The following TRANK1 variants were observed in gnomAD, a reference collection of about 807,000 sequenced individuals.
TRANK1 encodes the protein tetratricopeptide repeat and ankyrin repeat containing 1, also known as TPR and ankyrin repeat-containing protein 1.
TRANK1 carries 198 observed loss-of-function variants against 266.0 expected under a neutral mutation model. That is an observed-to-expected ratio of 0.74 (90% CI 0.66 to 0.84). TRANK1 has a LOEUF of 0.84. Among genes scored for constraint, TRANK1 ranks in the 40% least tolerant of loss-of-function variants. TRANK1 has a pLI of 0.00. For synonymous variants in TRANK1, 1,396 were observed against 1,384.1 expected (o/e 1.01, Z -0.19); for missense variants, 3,326 against 3,634.6 (o/e 0.92, Z 2.18).
At chr3:36,929,996 T>C (rs1218649801) in intron 1 of TRANK1, among the ~76,000 whole-genome samples, 1 of 152,116 alleles carries the variant, frequency 6.6e-6, no homozygotes, top group Non-Finnish European at 1.5e-5. Context: ...AACCTCAGCC[T>C]CCCAAGTAGC....
chr3:36,899,388 C>T (rs1046421474), intron 3 of TRANK1, 129 bp from the exon 4 acceptor site: 3 of 1,007,520 alleles, frequency 3.0e-6, no homozygotes, highest in African/African-American at 1.6e-5. Flanking sequence ...GGCACAGTGG[C>T]TCATGCCTGT....
At chr3:36,885,050 C>A (rs1030169955) in intron 8 of TRANK1, among the ~76,000 whole-genome samples, 1 of 151,682 alleles carries the variant, frequency 6.6e-6, no homozygotes, top group African/African-American at 2.4e-5. Context: ...CAATAGATAC[C>A]AAAATTGGTG....
intron 17 of TRANK1, among the ~76,000 whole-genome samples, chr3:36,845,911 C>T (rs2078907703): frequency 6.6e-6 from 1 of 152,132 alleles, no homozygotes; most frequent in Admixed American, 6.5e-5. Context: ...AAAGTATGTA[C>T]CATCTTTATT....
intron 13 of TRANK1, among the ~76,000 whole-genome samples, chr3:36,854,681 G>A (rs2079027885): frequency 6.6e-6 from 1 of 152,088 alleles, no homozygotes; most frequent in African/African-American, 2.4e-5. Context: ...GTTTAGCATT[G>A]TGCCTGGCAC....
rs189753182 is a variant in TRANK1 at position 36,937,021 on chromosome 3, C to G, written c.23+7766G>C. Among the ~76,000 whole-genome samples, 93 of 151,950 alleles carry G rather than the reference C, an allele frequency of 6.1e-4. 2 individuals are homozygous for G. The highest frequency in any genetic ancestry group is 5.2e-4 in the Admixed American group (8 of 15,256). On this transcript the variant is annotated intron_variant, in intron 1 of 23. Coordinates refer to ENST00000645898, the MANE Select transcript of TRANK1 (RefSeq NM_001329998.2). ...AGGCTGAGGGAGAATTGCTTGAGCCCGGGAGGCGGAGGTTGCAGTGAGCCG... is the reference window on the plus strand; with the variant it reads ...AGGCTGAGGGAGAATTGCTTGAGCCGGGGAGGCGGAGGTTGCAGTGAGCCG...
chr3:36,842,076 G>A (rs550741365), intron 18 of TRANK1, among the ~76,000 whole-genome samples: 21 of 152,302 alleles, frequency 1.4e-4, no homozygotes, highest in African/African-American at 4.8e-4. Flanking sequence ...GTTTCAAAAT[G>A]TAAAGAGGTC....
chr3:36,879,820 A>G lies in TRANK1; in HGVS notation c.908-5524T>C, dbSNP rs1344555737. ...TAAATATACAAATATATGTAAATAT[A>G]CAAATATATGTAAATATACAAATAT... On this transcript the variant is annotated intron_variant, in intron 8 of 23. Coordinates refer to ENST00000645898, the MANE Select transcript of TRANK1 (RefSeq NM_001329998.2). Among the ~76,000 whole-genome samples the G allele has an allele frequency of 1.0e-4, 12 of 115,238 alleles. 3 individuals carry two copies. Among genetic ancestry groups the G allele is most frequent in the South Asian group, 2.5e-4 (1 of 3,950 alleles). The allele number at this position is 115,238 out of a possible 152,430, so 75.6% of individuals were successfully genotyped here.
At position 36,832,068 on chromosome 3, in the gene TRANK1, G is replaced by C. The variant is rs766427912; in HGVS notation, c.7515C>G (p.Ser2505=). 6.2e-7 allele frequency: 1 copy of C among 1,613,990 alleles called. No individual in the cohort carries two copies. Among genetic ancestry groups the C allele is most frequent in the Non-Finnish European group, 8.5e-7 (1 of 1,179,898 alleles). The change falls in exon 22 of 24, where the codon TCC becomes TCG. Residue 2505 remains serine, a synonymous_variant. Coordinates refer to ENST00000645898, the MANE Select transcript of TRANK1 (RefSeq NM_001329998.2). ...KKDKELGDVF[S]IIQEYKPKDV... ...CCTTGGGTTTGTATTCCTGAATGAT[G>C]GAGAACACATCCCCAAGCTCCTTGT... is the stretch of plus-strand genomic sequence containing the variant.
rs375164184 is a variant in TRANK1 at position 36,843,451 on chromosome 3, T to C, written c.5192-741A>G. Among the ~76,000 whole-genome samples the C allele has an allele frequency of 4.7e-4, 71 of 152,270 alleles. 1 individual carries two copies. Among genetic ancestry groups the C allele is most frequent in the African/African-American group, 1.6e-3 (68 of 41,546 alleles). ...TTACACTATTTCCAAATGTGCAAAC[T>C]TTGCCCTCATCACAATAAGTAATCT... On this transcript the variant is annotated intron_variant, in intron 17 of 23. Transcript: ENST00000645898.
chr3:36,885,634 A>C (rs2079592043), intron 8 of TRANK1, among the ~76,000 whole-genome samples: 1 of 152,248 alleles, frequency 6.6e-6, no homozygotes, highest in South Asian at 2.1e-4. Flanking sequence ...TCCTGGGCTC[A>C]AGCCATCCTC....
intron 1 of TRANK1, among the ~76,000 whole-genome samples, chr3:36,921,514 C>T (rs2125649681): frequency 6.6e-6 from 1 of 152,288 alleles, no homozygotes; most frequent in East Asian, 1.9e-4. Context: ...CCATCCTAAG[C>T]ACACTGGCTT....
At chr3:36,939,136 C>CATAA (rs59866169) in intron 1 of TRANK1, among the ~76,000 whole-genome samples, 10,893 of 151,146 alleles carry the variant, frequency 0.072, 634 homozygotes, top group African/African-American at 0.16. Context: ...AACCCTGTCT[C>CATAA]ATAAATAAAT....
In TRANK1 at chr3:36,832,551, C is replaced by A. The variant is rs777933055; in HGVS notation, c.7032G>T (p.Pro2344=). The change falls in exon 22 of 24, where the codon CCG becomes CCT. Residue 2344 remains proline (P), a synonymous_variant. Transcript: ENST00000645898. ...MQAFLLSSNY[P]EEFEKLLHQE... ...GGTGGAGCAGCTTTTCAAACTCCTCCGGGTAGTTGGAAGAGAGAAGGAAAG... is the reference window on the plus strand; with the variant it reads ...GGTGGAGCAGCTTTTCAAACTCCTCAGGGTAGTTGGAAGAGAGAAGGAAAG... 1 of 1,613,956 alleles carries A rather than the reference C, an allele frequency of 6.2e-7. No homozygotes were observed.
At chr3:36,885,684 G>A (rs2079592713) in intron 8 of TRANK1, among the ~76,000 whole-genome samples, 1 of 152,136 alleles carries the variant, frequency 6.6e-6, no homozygotes, top group Admixed American at 6.5e-5. Context: ...ACAGGCCTGT[G>A]CCACCACACC....
intron 21 of TRANK1, 54 bp downstream of exon 21, chr3:36,834,708 C>A (rs1294682250): frequency 6.4e-7 from 1 of 1,570,384 alleles, no homozygotes; most frequent in Non-Finnish European, 8.6e-7. Context: ...CAGGCTGCCC[C>A]CAGAGAGAAG....
chr3:36,838,579 C>A (rs376274962), intron 19 of TRANK1, 34 bp downstream of exon 19: 1 of 1,613,896 alleles, frequency 6.2e-7, no homozygotes, highest in Non-Finnish European at 8.5e-7. Context: ...CTACTCCCAT[C>A]GGAGCAAACC....
At chr3:36,899,008 A>C in intron 4 of TRANK1, 101 bp downstream of exon 4, 1 of 1,305,308 alleles carries the variant, frequency 7.7e-7, no homozygotes, top group Non-Finnish European at 1.0e-6. Context: ...TCAGCCACAA[A>C]GAAACACCCA....
intron 7 of TRANK1, among the ~76,000 whole-genome samples, chr3:36,890,431 C>G (rs2079673775): frequency 6.6e-6 from 1 of 152,086 alleles, no homozygotes; most frequent in Admixed American, 6.5e-5. Context: ...TTTGAATCCC[C>G]ATGTCAGTCA....
intron 1 of TRANK1, among the ~76,000 whole-genome samples, chr3:36,939,278 C>G (rs570574012): frequency 5.1e-4 from 77 of 151,770 alleles, no homozygotes; most frequent in African/African-American, 1.9e-3. Context: ...CACACACACA[C>G]ACACACACAC....
Sources: gnomAD v4.1 joint callset for allele counts (sites outside exome capture counted in the v4.1 genomes callset) on GRCh38, gnomAD v4.1.1 for gene constraint, MANE v1.5 for transcripts, NCBI Gene and HGNC (gene_info 2026-07-23, HGNC 2026-07-21) for gene names.